DNAH7: variants seen among roughly 807,000 people sequenced by gnomAD.
DNAH7 encodes the protein dynein axonemal heavy chain 7.
In DNAH7, 397 loss-of-function variants were observed where a neutral mutation model predicts 444.6. The observed-to-expected ratio is 0.89, with a 90% CI of 0.82 to 0.97. The LOEUF (loss-of-function observed/expected upper bound fraction) is 0.97. DNAH7 is among the 50% of genes least tolerant of loss of function. The probability of loss-of-function intolerance (pLI) is 0.00; values close to 1 mark genes in which losing one functional copy is unlikely to be tolerated. For synonymous variants in DNAH7, 1,636 were observed against 1,624.4 expected (o/e 1.01, Z -0.17); for missense variants, 4,902 against 4,800.8 (o/e 1.02, Z -0.62).
chr2:195,957,090 G>T (rs992717509), intron 19 of DNAH7, among the ~76,000 whole-genome samples, 171 bp downstream of exon 19: 2 of 152,136 alleles, frequency 1.3e-5, no homozygotes, highest in East Asian at 3.9e-4. Context: ...ACCTACTTTT[G>T]CTTGCGACAT....
intron 54 of DNAH7, among the ~76,000 whole-genome samples, chr2:195,803,445 C>T (rs765452312): frequency 2.0e-5 from 3 of 152,168 alleles, no homozygotes; most frequent in Non-Finnish European, 4.4e-5. Flanking sequence ...CTCTTAATGT[C>T]GAAGCTGAAC....
intron 58 of DNAH7, among the ~76,000 whole-genome samples, chr2:195,785,835 C>T (rs1695592396): frequency 6.6e-6 from 1 of 152,066 alleles, no homozygotes; most frequent in African/African-American, 2.4e-5. Context: ...GGAAGAGCTT[C>T]TCATCCTTTT....
intron 1 of DNAH7, among the ~76,000 whole-genome samples, chr2:196,061,474 C>A (rs59343008): frequency 0.077 from 11,777 of 152,192 alleles, 532 homozygotes; most frequent in African/African-American, 0.12. Context: ...ACCAGAACTT[C>A]CCCATATTTT....
At chr2:195,845,588 G>A (rs1247409635) in intron 46 of DNAH7, among the ~76,000 whole-genome samples, 1 of 152,182 alleles carries the variant, frequency 6.6e-6, no homozygotes, top group East Asian at 1.9e-4. Flanking sequence ...CAAAGCCAGA[G>A]GCATCACATT....
intron 5 of DNAH7, among the ~76,000 whole-genome samples, chr2:196,041,160 T>C (rs764537002): frequency 1.3e-5 from 2 of 151,912 alleles, no homozygotes; most frequent in Non-Finnish European, 2.9e-5. Flanking sequence ...ACACTCCCTA[T>C]CAAAATACAA....
At chr2:196,008,626 G>A (rs1694531005) in intron 10 of DNAH7, among the ~76,000 whole-genome samples, 1 of 152,162 alleles carries the variant, frequency 6.6e-6, no homozygotes, top group African/African-American at 2.4e-5. Flanking sequence ...ATTGATACAT[G>A]CTATAATATG....
chr2:196,006,017 T>TA (rs1694352087), intron 10 of DNAH7, among the ~76,000 whole-genome samples: 1 of 151,608 alleles, frequency 6.6e-6, no homozygotes, highest in Non-Finnish European at 1.5e-5. Flanking sequence ...CAGAAGCACA[T>TA]AAAAAGTATT....
intron 63 of DNAH7, among the ~76,000 whole-genome samples, chr2:195,744,348 C>T (rs950191001): frequency 6.6e-6 from 1 of 152,224 alleles, no homozygotes; most frequent in African/African-American, 2.4e-5. Context: ...CCTAGGTAAA[C>T]AAAGCAGCCA....
intron 15 of DNAH7, among the ~76,000 whole-genome samples, chr2:195,974,105 A>C (rs1692030787): frequency 6.6e-6 from 1 of 152,066 alleles, no homozygotes; most frequent in Non-Finnish European, 1.5e-5. Context: ...GAAGGGAAGA[A>C]AGAAAGGGAG....
At chr2:195,873,837 C>T (rs998800084) in intron 38 of DNAH7, 143 bp from the exon 39 acceptor site, 6 of 521,764 alleles carry the variant, frequency 1.1e-5, no homozygotes, top group South Asian at 1.5e-4. Context: ...GTTTGGATAA[C>T]CCTGACATCA....
At chr2:195,774,123 T>C (rs896817168) in intron 60 of DNAH7, among the ~76,000 whole-genome samples, 4 of 152,256 alleles carry the variant, frequency 2.6e-5, no homozygotes, top group African/African-American at 9.6e-5. Flanking sequence ...CTTATTTGTC[T>C]GGTTCAGAGT....
intron 18 of DNAH7, among the ~76,000 whole-genome samples, chr2:195,959,304 T>G (rs1304427107): frequency 6.6e-6 from 1 of 152,076 alleles, no homozygotes; most frequent in East Asian, 1.9e-4. Flanking sequence ...AAGACCTGAA[T>G]GCTTCTGCTT....
At chr2:196,023,571 A>G (rs1695508110) in intron 8 of DNAH7, among the ~76,000 whole-genome samples, 1 of 152,206 alleles carries the variant, frequency 6.6e-6, no homozygotes, top group Admixed American at 6.5e-5. Context: ...GAAGAGAGTT[A>G]GGGCTTTGCT....
intron 42 of DNAH7, among the ~76,000 whole-genome samples, chr2:195,861,357 C>T (rs532582452): frequency 6.6e-6 from 1 of 152,006 alleles, no homozygotes; most frequent in East Asian, 1.9e-4. Context: ...AGTGGCTGTC[C>T]CTCCCTAGAG....
At chr2:196,040,161 A>C (rs1221038477) in intron 5 of DNAH7, among the ~76,000 whole-genome samples, 1 of 152,140 alleles carries the variant, frequency 6.6e-6, no homozygotes, top group East Asian at 1.9e-4. Flanking sequence ...TACTAACACC[A>C]ATTTTTCTCA....
chr2:195,987,724 G>A (rs1693015113), intron 13 of DNAH7, among the ~76,000 whole-genome samples: 1 of 151,974 alleles, frequency 6.6e-6, no homozygotes, highest in Admixed American at 6.6e-5. Flanking sequence ...TATAAAATAC[G>A]TGTCAGAGTT....
At position 195,988,082 on chromosome 2, in the gene DNAH7, T is replaced by C; in HGVS notation, c.1501A>G (p.Ile501Val). ...ACATCTCGCTCAGCTTTTCTGGTAA[T>C]TAAAAAGTCATACTTGTCATAGAGT... ...LRLYDKYDFL[I>V]TRKAERDVDN... is the part of the protein sequence containing the mutation. The change falls in exon 13 of 65, where the codon ATT (isoleucine) becomes GTT (valine). Residue 501 changes from isoleucine to valine, a missense_variant. Physicochemically the swap from Ile to Val is conservative, Grantham distance 29. Transcript: ENST00000312428. The C allele has an allele frequency of 6.2e-7, 1 of 1,613,774 alleles. No individual in the cohort carries two copies. The highest frequency in any genetic ancestry group is 8.5e-7 in the Non-Finnish European group (1 of 1,179,798).
Position 195,853,374 on chromosome 2 carries a change from T to C in DNAH7, c.8750A>G (p.Tyr2917Cys). ...DILISSGVVA[Y>C]LGAFTSTYRQ... ...ATAGGTGGATGTGAAGGCTCCGAGG[T>C]AAGCAACCACTCCGGAGGAAATGAG... is the stretch of plus-strand genomic sequence containing the variant. Residue 2917 changes from tyrosine (Y) to cysteine (C), a missense_variant, in exon 46 of 65, where the codon TAC becomes TGC. Coordinates refer to ENST00000312428, the MANE Select transcript of DNAH7 (RefSeq NM_018897.3). The C allele has an allele frequency of 6.2e-7, 1 of 1,613,958 alleles. No homozygotes were observed. Among genetic ancestry groups the C allele is most frequent in the Non-Finnish European group, 8.5e-7 (1 of 1,179,954 alleles).
intron 21 of DNAH7, among the ~76,000 whole-genome samples, chr2:195,926,970 A>T (rs1306923459): frequency 1.3e-5 from 2 of 152,134 alleles, no homozygotes; most frequent in Non-Finnish European, 2.9e-5. Context: ...TAATTTAATC[A>T]GATCTCCACT....
Sources: gnomAD v4.1 joint callset for allele counts (sites outside exome capture counted in the v4.1 genomes callset) on GRCh38, gnomAD v4.1.1 for gene constraint, MANE v1.5 for transcripts, NCBI Gene and HGNC (gene_info 2026-07-23, HGNC 2026-07-21) for gene names.